Variants in FAM184B observed in about 807,000 individuals in gnomAD.
The protein encoded by FAM184B is protein FAM184B.
In FAM184B, 111 loss-of-function variants were observed where a neutral mutation model predicts 135.9. The ratio of observed to expected loss-of-function variants is 0.82; its 90% confidence interval spans 0.70 to 0.96. FAM184B has a LOEUF of 0.96. Ranked by LOEUF, FAM184B falls within the 40% of genes least tolerant of loss-of-function variation. FAM184B has a pLI of 0.00. For synonymous variants in FAM184B, 552 were observed against 524.8 expected (o/e 1.05, Z -0.71); for missense variants, 1,375 against 1,323.9 (o/e 1.04, Z -0.60).
At chr4:17,741,587 G>A (rs757840005) in intron 1 of FAM184B, among the ~76,000 whole-genome samples, 3 of 152,138 alleles carry the variant, frequency 2.0e-5, no homozygotes, top group Non-Finnish European at 4.4e-5. Flanking sequence ...CCAGCTACTC[G>A]GGAGGCTGAG....
Position 17,642,227 on chromosome 4 carries a change from T to C in FAM184B, c.2348A>G (p.Glu783Gly), listed in dbSNP as rs1310267058. 103 of 1,481,708 alleles carry C rather than the reference T, an allele frequency of 7.0e-5. 1 individual carries two copies. Among genetic ancestry groups the C allele is most frequent in the Non-Finnish European group, 6.3e-5 (71 of 1,126,554 alleles). The allele number at this position is 1,481,708 out of a possible 1,614,324, so 91.8% of individuals were successfully genotyped here. A position where few individuals can be genotyped will look rare whatever the true frequency, so the allele number is the denominator to read the frequency against. Residue 783 changes from glutamate (E) to glycine (G), a missense_variant and splice_region_variant, in exon 13 of 18, where the codon GAG becomes GGG. Transcript: ENST00000265018. ...GCCGGCCTGGCCCGGGCCGCCCCGC[T>C]CCTGAGGAAGGCAACCAGGAGAGGT... ...DSKDHIIATE[E>G]RGGPGQAGSP...
chr4:17,709,614 C>T lies in FAM184B; in HGVS notation c.172G>A (p.Glu58Lys). The change falls in exon 2 of 18, where the codon GAG becomes AAG. Residue 58 changes from glutamate (E) to lysine (K), a missense_variant. Coordinates refer to ENST00000265018, the MANE Select transcript of FAM184B (RefSeq NM_015688.2). ...VIYALNTRQD[E>K]AEASMEALRE... ...AGCGCCTCCATGCTGGCCTCAGCCTCATCCTGGCGGGTGTTCAGGGCATAA... is the reference window on the plus strand; with the variant it reads ...AGCGCCTCCATGCTGGCCTCAGCCTTATCCTGGCGGGTGTTCAGGGCATAA... 2 of 1,527,564 alleles carry T rather than the reference C, an allele frequency of 1.3e-6. No homozygotes were observed. Among genetic ancestry groups the T allele is most frequent in the South Asian group, 1.2e-5 (1 of 80,066 alleles). The allele number at this position is 1,527,564 out of a possible 1,614,324, so 94.6% of individuals were successfully genotyped here.
At chr4:17,699,959 G>A (rs1716948701) in intron 5 of FAM184B, among the ~76,000 whole-genome samples, 1 of 152,120 alleles carries the variant, frequency 6.6e-6, no homozygotes, top group Admixed American at 6.5e-5. Flanking sequence ...CATGAGGTTT[G>A]TATGTGTGAA....
intron 1 of FAM184B, among the ~76,000 whole-genome samples, chr4:17,760,540 C>T (rs1718523297): frequency 6.6e-6 from 1 of 151,702 alleles, no homozygotes; most frequent in Non-Finnish European, 1.5e-5. Flanking sequence ...GAAGTGAAGG[C>T]TCATGATCAA....
At chr4:17,661,483 C>T (rs1489740452) in intron 8 of FAM184B, among the ~76,000 whole-genome samples, 8 of 151,172 alleles carry the variant, frequency 5.3e-5, no homozygotes, top group Admixed American at 2.6e-4. Context: ...ACTCAGGAGG[C>T]GGAGGTTGCA....
chr4:17,696,919 A>C (rs1254246731), intron 5 of FAM184B, among the ~76,000 whole-genome samples: 1 of 152,216 alleles, frequency 6.6e-6, no homozygotes, highest in Non-Finnish European at 1.5e-5. Context: ...AGAAGAGAGC[A>C]ATCAGGAGTG....
chr4:17,715,808 T>C (rs1419583278), intron 1 of FAM184B, among the ~76,000 whole-genome samples: 1 of 152,230 alleles, frequency 6.6e-6, no homozygotes, highest in Non-Finnish European at 1.5e-5. Context: ...TTATTTTAAT[T>C]TTTGGCTGCT....
At chr4:17,780,231 G>A (rs918343587) in intron 1 of FAM184B, among the ~76,000 whole-genome samples, 4 of 152,130 alleles carry the variant, frequency 2.6e-5, no homozygotes, top group East Asian at 1.9e-4. Flanking sequence ...AGAGGGAGAT[G>A]GTGAGGAAAG....
intron 13 of FAM184B, among the ~76,000 whole-genome samples, chr4:17,640,548 A>C (rs993954755): frequency 6.7e-6 from 1 of 149,736 alleles, no homozygotes; most frequent in Non-Finnish European, 1.5e-5. Flanking sequence ...GGGCCAACAC[A>C]ACAGGGTTCA....
chr4:17,660,686 G>T (rs1400246155), intron 8 of FAM184B, among the ~76,000 whole-genome samples: 2 of 151,874 alleles, frequency 1.3e-5, no homozygotes, highest in Non-Finnish European at 2.9e-5. Flanking sequence ...CTTTAGAAGA[G>T]ACCAGAGCTC....
intron 5 of FAM184B, among the ~76,000 whole-genome samples, chr4:17,696,878 A>G (rs1298298385): frequency 1.3e-5 from 2 of 152,174 alleles, no homozygotes; most frequent in Non-Finnish European, 2.9e-5. Flanking sequence ...TGGAGGGCAG[A>G]GTTGGACAGG....
intron 11 of FAM184B, among the ~76,000 whole-genome samples, chr4:17,650,862 G>C (rs542848227): frequency 1.3e-5 from 2 of 152,216 alleles, no homozygotes; most frequent in East Asian, 3.9e-4. Context: ...TGGAGGTAAA[G>C]AAAATGCTGT....
chr4:17,710,361 AC>A (rs2108967068), intron 1 of FAM184B, among the ~76,000 whole-genome samples: 1 of 149,722 alleles, frequency 6.7e-6, no homozygotes, highest in African/African-American at 2.5e-5. Flanking sequence ...CAAAAACTGG[AC>A]AGAGCAATAT....
chr4:17,634,857 C>A (rs369732253), intron 16 of FAM184B, among the ~76,000 whole-genome samples, 152 bp downstream of exon 16: 1 of 149,348 alleles, frequency 6.7e-6, no homozygotes, highest in Non-Finnish European at 1.5e-5. Context: ...ACACATAATC[C>A]GCCCAGCCAT....
intron 1 of FAM184B, among the ~76,000 whole-genome samples, chr4:17,718,683 C>T (rs1031936385): frequency 2.0e-5 from 3 of 152,202 alleles, no homozygotes; most frequent in Non-Finnish European, 4.4e-5. Context: ...CCCTCTTGTG[C>T]TTCTACCACT....
At chr4:17,679,494 G>A (rs577406577) in intron 7 of FAM184B, among the ~76,000 whole-genome samples, 1 of 152,272 alleles carries the variant, frequency 6.6e-6, no homozygotes, top group Non-Finnish European at 1.5e-5. Flanking sequence ...TGCAGGAATG[G>A]CCATAGTCAC....
rs576668116 is a variant in FAM184B at position 17,725,323 on chromosome 4, G to A, written c.142-15679C>T. 2.0e-5 allele frequency among the ~76,000 whole-genome samples: 3 copies of A among 152,302 alleles called. 1 individual carries two copies. Among genetic ancestry groups the A allele is most frequent in the South Asian group, 2.1e-4 (1 of 4,830 alleles). Reference sequence around the variant, plus strand: ...CAGAGAGGGGACACCATTTAGATGTGTTATGTGCAAGTGGATTTACGCAGT... The same window carrying A: ...CAGAGAGGGGACACCATTTAGATGTATTATGTGCAAGTGGATTTACGCAGT... On this transcript the variant is annotated intron_variant, in intron 1 of 17. Coordinates refer to ENST00000265018, the MANE Select transcript of FAM184B (RefSeq NM_015688.2).
chr4:17,666,124 T>G (rs77377780), intron 7 of FAM184B, among the ~76,000 whole-genome samples: 5,464 of 152,204 alleles, frequency 0.036, 213 homozygotes, highest in East Asian at 0.091. Flanking sequence ...GGCTTAAAGC[T>G]TAGGCTCTGC....
chr4:17,759,829 A>G (rs972340707), intron 1 of FAM184B, among the ~76,000 whole-genome samples: 1 of 152,176 alleles, frequency 6.6e-6, no homozygotes, highest in Non-Finnish European at 1.5e-5. Context: ...CATTCAAAAA[A>G]GTCTTAGCCA....
Sources: allele counts gnomAD v4.1 joint callset (sites outside exome capture counted in the v4.1 genomes callset), GRCh38; gene constraint gnomAD v4.1.1; transcripts MANE v1.5; gene names NCBI Gene and HGNC (gene_info 2026-07-23, HGNC 2026-07-21).